FCHSD1: variants seen among roughly 807,000 people sequenced by gnomAD.
FCHSD1 encodes the protein F-BAR and double SH3 domains protein 1.
FCHSD1 carries 109 observed loss-of-function variants against 101.3 expected under a neutral mutation model. That is an observed-to-expected ratio of 1.08 (90% CI 0.92 to 1.26). FCHSD1 has a LOEUF of 1.26. Among genes scored for constraint, FCHSD1 ranks in the 50% most tolerant of loss-of-function variants. The probability of loss-of-function intolerance (pLI) is 0.00; values close to 1 mark genes in which losing one functional copy is unlikely to be tolerated. For missense variants in FCHSD1, 820 were observed against 895.8 expected (o/e 0.92, Z 1.08); for synonymous variants, 291 against 356.8 (o/e 0.82, Z 2.08).
chr5:141,647,234 G>C lies in FCHSD1; in HGVS notation c.829-4C>G. ...TCAGGTCTTGCTCCCAGCTTACCTA[G>C]GGGTTGGGAAAAGTCAAAGTCACTC... On this transcript the variant is annotated splice_region_variant and splice_polypyrimidine_tract_variant and intron_variant, in intron 9 of 19. Coordinates refer to ENST00000435817, the MANE Select transcript of FCHSD1 (RefSeq NM_033449.3). 1 of 1,600,920 alleles carries C rather than the reference G, an allele frequency of 6.2e-7. No individual in the cohort carries two copies. Among genetic ancestry groups the C allele is most frequent in the South Asian group, 1.1e-5 (1 of 88,592 alleles).
At position 141,651,055 on chromosome 5, in the gene FCHSD1, C is replaced by A; in HGVS notation, c.84G>T (p.Trp28Cys). The A allele has an allele frequency of 6.3e-7, 1 of 1,598,796 alleles. No homozygotes were observed. The highest frequency in any genetic ancestry group is 8.5e-7 in the Non-Finnish European group (1 of 1,172,332). The stretch of plus-strand genomic sequence containing the variant: ...CCAGCAGATCCGCCTCCCTCTGCTG[C>A]CAGGTCTGAAGGATGCTCAGCTGTT... ...FLEQLSILQT[W>C]QQREADLLED... is the part of the protein sequence containing the mutation. The change falls in exon 2 of 20, where the codon TGG (tryptophan) becomes TGT (cysteine). Residue 28 changes from tryptophan (W) to cysteine (C), a missense_variant. Physicochemically the swap from Trp to Cys is radical, Grantham distance 215. Coordinates refer to ENST00000435817, the MANE Select transcript of FCHSD1 (RefSeq NM_033449.3).
chr5:141,644,974 C>T (rs1232202988), intron 14 of FCHSD1, 32 bp from the exon 15 acceptor site: 1 of 1,613,922 alleles, frequency 6.2e-7, no homozygotes, highest in Admixed American at 1.7e-5. Context: ...CAGGACTTGG[C>T]TGTCCCCCAC....
chr5:141,643,509 C>T (rs1274005932), intron 17 of FCHSD1, among the ~76,000 whole-genome samples: 1 of 152,178 alleles, frequency 6.6e-6, no homozygotes, highest in Non-Finnish European at 1.5e-5. Flanking sequence ...TACATTATAA[C>T]AACAGATATC....
At position 141,651,370 on chromosome 5, in the gene FCHSD1, T is replaced by G. The variant is rs761111079; in HGVS notation, c.-2A>C. On this transcript the variant is annotated 5_prime_UTR_variant, in exon 1 of 20. Transcript: ENST00000435817. ...CACTTTTCGGGGCGGCGGCTGCATC[T>G]CCGCTCCAGCAAGGCGGTCAGCCAC... 1.4e-5 allele frequency: 22 copies of G among 1,552,938 alleles called. No homozygotes were observed. The South Asian group carries it at 2.3e-4, about 16-fold the overall frequency.
chr5:141,648,098 T>A lies in FCHSD1; in HGVS notation c.577-2A>T. The stretch of plus-strand genomic sequence containing the variant: ...GTACTGGGCTGACTGGGCGGACAGC[T>A]AGGAGGGTAAACTGATGTCAATAGG... On this transcript the variant is annotated splice_acceptor_variant, in intron 7 of 19. Coordinates refer to ENST00000435817, the MANE Select transcript of FCHSD1 (RefSeq NM_033449.3). LOFTEE classifies it high-confidence loss of function. 2.5e-6 allele frequency: 4 copies of A among 1,608,654 alleles called. No individual in the cohort carries two copies. Among genetic ancestry groups the A allele is most frequent in the Non-Finnish European group, 3.4e-6 (4 of 1,176,212 alleles).
Position 141,639,381 on chromosome 5 carries a change from G to A in FCHSD1, c.*2117C>T, listed in dbSNP as rs2099906572. 8.3e-7 allele frequency: 1 copy of A among 1,199,422 alleles called. No homozygotes were observed. Among genetic ancestry groups the A allele is most frequent in the Non-Finnish European group, 1.2e-6 (1 of 852,654 alleles). 74.3% of individuals were successfully genotyped at this position (1,199,422 alleles called of 1,614,324 possible). A position where few individuals can be genotyped will look rare whatever the true frequency, so the allele number is the denominator to read the frequency against. On this transcript the variant is annotated 3_prime_UTR_variant, in exon 20 of 20. Transcript: ENST00000435817. This position sits in a 1 kb window ranked among gnomAD's most constrained non-coding sequence, Gnocchi z 4.4. The stretch of plus-strand genomic sequence containing the variant: ...GAAATTGGGGCTTCTGGGGTTTTAA[G>A]GAGCATGCTGAAAGAACGTAAGAAA...
rs1030834911 is a variant in FCHSD1 at position 141,639,628 on chromosome 5, C to T, written c.*1870G>A. 2.5e-6 allele frequency: 4 copies of T among 1,607,756 alleles called. No individual in the cohort carries two copies. In the Admixed American group the frequency reaches 5.1e-5, roughly 20 times the overall value. ...AAAAGCCGCCCCCGGACAGGGGAGA[C>T]CACTGTGTTCTCTGTGGGCAGGTGG... is the stretch of plus-strand genomic sequence containing the variant. On this transcript the variant is annotated 3_prime_UTR_variant, in exon 20 of 20. Coordinates refer to ENST00000435817, the MANE Select transcript of FCHSD1 (RefSeq NM_033449.3). The surrounding 1 kb of genome is among the most constrained non-coding windows in gnomAD (Gnocchi z 4.4).
At chr5:141,646,013 C>T (rs1363228487) in intron 12 of FCHSD1, 74 bp downstream of exon 12, 11 of 1,542,708 alleles carry the variant, frequency 7.1e-6, no homozygotes, top group African/African-American at 1.4e-5. Context: ...TTCCTCCCAC[C>T]ATCAGAAAGA....
rs1176623873 is a variant in FCHSD1 at position 141,649,120 on chromosome 5, C to A, written c.512+52G>T. On this transcript the variant is annotated intron_variant, in intron 6 of 19. Coordinates refer to ENST00000435817, the MANE Select transcript of FCHSD1 (RefSeq NM_033449.3). The surrounding 1 kb of genome is among the most constrained non-coding windows in gnomAD (Gnocchi z 4.1). ...GTGACTTGGCTCCACCCCTAGACAG[C>A]CCCACCTCCCTGTTCCCCAACCTTG... 1.2e-6 allele frequency: 2 copies of A among 1,613,628 alleles called. No homozygotes were observed. Among genetic ancestry groups the A allele is most frequent in the Non-Finnish European group, 8.5e-7 (1 of 1,179,708 alleles).
At chr5:141,650,908 G>C (rs1205877222) in intron 2 of FCHSD1, 112 bp downstream of exon 2, 1 of 1,030,864 alleles carries the variant, frequency 9.7e-7, no homozygotes, top group African/African-American at 1.6e-5. Context: ...CTGTGGATGG[G>C]TCGGCTGGGG....
intron 17 of FCHSD1, among the ~76,000 whole-genome samples, chr5:141,643,917 G>T (rs1342246263): frequency 6.6e-6 from 1 of 151,898 alleles, no homozygotes; most frequent in Non-Finnish European, 1.5e-5. Context: ...TGCTAAAGTA[G>T]GTATTATCCC....
At chr5:141,642,974 C>T in intron 18 of FCHSD1, 27 bp downstream of exon 18, 1 of 1,549,032 alleles carries the variant, frequency 6.5e-7, no homozygotes, top group Non-Finnish European at 8.7e-7. Flanking sequence ...TGTTAGCCTC[C>T]CAAGGCTCCC....
chr5:141,645,493 G>A (rs1018699517), intron 13 of FCHSD1, among the ~76,000 whole-genome samples: 4 of 152,132 alleles, frequency 2.6e-5, no homozygotes, highest in African/African-American at 9.7e-5. Context: ...GTCACTTTTC[G>A]AGATTGCACA....
At chr5:141,643,229 T>G (rs531359287) in intron 17 of FCHSD1, 141 bp from the exon 18 acceptor site, 8 of 549,302 alleles carry the variant, frequency 1.5e-5, no homozygotes, top group South Asian at 1.3e-4. Context: ...TGGGGGGGTG[T>G]AGCTGACAAA....
rs1435814299 is a variant in FCHSD1, at chr5:141,644,346, C to T, written c.1735G>A (p.Ala579Thr). The T allele has an allele frequency of 1.9e-6, 3 of 1,613,856 alleles. No homozygotes were observed. Among genetic ancestry groups the T allele is most frequent in the Non-Finnish European group, 2.5e-6 (3 of 1,179,882 alleles). Residue 579 changes from alanine (A) to threonine (T), a missense_variant, in exon 17 of 20, where the codon GCC becomes ACC. Ala to Thr is a moderately conservative substitution (Grantham distance 58). Coordinates refer to ENST00000435817, the MANE Select transcript of FCHSD1 (RefSeq NM_033449.3). ...EGALIRLLPR[A>T]QDGVDDGFWR... is the part of the protein sequence containing the mutation. ...AAGCCGTCATCTACTCCATCTTGGG[C>T]CCGGGGCAGCAGACGGATGAGTGCC...
Position 141,640,096 on chromosome 5 carries a change from C to G in FCHSD1, c.*1402G>C. ...ATGGAGAGGCTGCCCCCTGAGAGGC[C>G]ACAGCCCCAGGTCCTAGCCAGCCCC... On this transcript the variant is annotated 3_prime_UTR_variant, in exon 20 of 20. Transcript: ENST00000435817. The G allele has an allele frequency of 1.9e-6, 3 of 1,613,666 alleles. No homozygotes were observed. Among genetic ancestry groups the G allele is most frequent in the Non-Finnish European group, 2.5e-6 (3 of 1,179,786 alleles).
At chr5:141,646,505 T>C in intron 11 of FCHSD1, 98 bp downstream of exon 11, 2 of 1,488,422 alleles carry the variant, frequency 1.3e-6, no homozygotes, top group Non-Finnish European at 1.8e-6. Flanking sequence ...CTCCCCTCTG[T>C]AGCTCCATGA....
rs1446688970 is a variant in FCHSD1, at chr5:141,644,253, GGCCAAGCAGC to G, written c.1818_1827del (p.Glu606AspfsTer54). 3 of 1,613,132 alleles carry G rather than the reference GGCCAAGCAGC, an allele frequency of 1.9e-6. No individual in the cohort carries two copies. Among genetic ancestry groups the G allele is most frequent in the South Asian group, 2.2e-5 (2 of 90,874 alleles). ...TCAGAGAGTTCAGGTGGCCCTGGGGGGCCAAGCAGCTCTTCCACCAGCAGGGAGGGGAAGA... is the reference window on the plus strand; with the variant it reads ...TCAGAGAGTTCAGGTGGCCCTGGGGGTCTTCCACCAGCAGGGAGGGGAAGA... On this transcript the variant is annotated frameshift_variant, in exon 17 of 20. Coordinates refer to ENST00000435817, the MANE Select transcript of FCHSD1 (RefSeq NM_033449.3). LOFTEE classifies it high-confidence loss of function.
chr5:141,642,021 C>T, intron 18 of FCHSD1: 1 of 568,646 alleles, frequency 1.8e-6, no homozygotes, highest in Non-Finnish European at 3.1e-6. Flanking sequence ...AATAATGAAA[C>T]CTCAACAAAC....
Sources: gnomAD v4.1 joint callset for allele counts (sites outside exome capture counted in the v4.1 genomes callset) on GRCh38, gnomAD v4.1.1 for gene constraint, Gnocchi (gnomAD v3.1) non-coding constraint, MANE v1.5 for transcripts, NCBI Gene and HGNC (gene_info 2026-07-23, HGNC 2026-07-21) for gene names.